The following TMEM253 variants were observed in gnomAD, a reference collection of about 807,000 sequenced individuals.
TMEM253 encodes the protein transmembrane protein 253.
A neutral mutation model predicts 20.3 loss-of-function variants in TMEM253; 22 were observed. The ratio of observed to expected loss-of-function variants is 1.08; its 90% CI spans 0.78 to 1.55. The LOEUF (loss-of-function observed/expected upper bound fraction) is 1.55. TMEM253 is among the 40% of genes most tolerant of loss of function. The pLI is 0.00. For synonymous variants in TMEM253, 92 were observed against 102.6 expected, an observed-to-expected ratio of 0.90 and a Z score of 0.62; for missense variants, 251 against 266.1, an observed-to-expected ratio of 0.94 and a Z score of 0.39.
upstream of TMEM253, among the ~76,000 whole-genome samples, chr14:21,099,940 C>T (rs532669148): frequency 7.9e-5 from 12 of 152,328 alleles, no homozygotes; most frequent in South Asian, 2.5e-3. Flanking sequence ...GGGCATCAGA[C>T]TTATCGGTGT....
At chr14:21,098,873 C>G (rs1277274797), upstream of TMEM253, 1 of 1,284,040 alleles carries the variant, frequency 7.8e-7, no homozygotes, top group South Asian at 1.2e-5. Flanking sequence ...GGAAGTTCTT[C>G]CTGGGGTTTT....
intron 2 of TMEM253, 175 bp from the exon 3 acceptor site, chr14:21,101,690 A>C: frequency 1.5e-6 from 1 of 656,204 alleles, no homozygotes; most frequent in Non-Finnish European, 2.6e-6. Context: ...CTACAATATG[A>C]GGCAGAAAAA....
chr14:21,100,006 T>C (rs1438157714), upstream of TMEM253, among the ~76,000 whole-genome samples: 1 of 152,152 alleles, frequency 6.6e-6, no homozygotes, highest in Non-Finnish European at 1.5e-5. Context: ...CAACAACTCT[T>C]CACAGTCATA....
intron 4 of TMEM253, 106 bp from the exon 5 acceptor site, chr14:21,102,298 AG>A: frequency 6.9e-7 from 1 of 1,443,192 alleles, no homozygotes; most frequent in South Asian, 1.3e-5. Context: ...CCCTGTTTGG[AG>A]GCTGAGAAGC....
exon 7 of TMEM253, chr14:21,103,293 C>A: frequency 6.5e-7 from 1 of 1,538,674 alleles, no homozygotes; most frequent in Non-Finnish European, 8.8e-7. Flanking sequence ...CATCCCACCC[C>A]ACCAAACTCA....
At chr14:21,098,863 G>A, upstream of TMEM253, 5 of 1,285,828 alleles carry the variant, frequency 3.9e-6, no homozygotes, top group Non-Finnish European at 5.1e-6. Context: ...CACAGACTCG[G>A]GAAGTTCTTC....
chr14:21,101,771 C>A, intron 2 of TMEM253, 94 bp from the exon 3 acceptor site: 1 of 995,928 alleles, frequency 1.0e-6, no homozygotes, highest in Non-Finnish European at 1.5e-6. Flanking sequence ...ACCCTGCATT[C>A]AATCCCATTT....
At chr14:21,103,450 C>T in exon 7 of TMEM253, 1 of 914,842 alleles carries the variant, frequency 1.1e-6, no homozygotes, top group East Asian at 2.8e-5. Flanking sequence ...CCCTGAAAAG[C>T]TGCTTTCTCC....
At position 21,102,578 on chromosome 14, in the gene TMEM253, G is replaced by A. The variant is rs1409503713; in HGVS notation, c.388-55G>A. On this transcript the variant is annotated intron_variant, in intron 5 of 6. Transcript: ENST00000556585. The stretch of plus-strand genomic sequence containing the variant: ...GGCAAGAGGAGGTGGGAAGGGAAAA[G>A]GGCAGGGGCAAACAGGTGCGGGGTC... 4 of 1,551,328 alleles carry A rather than the reference G, an allele frequency of 2.6e-6. No homozygotes were observed. In the Admixed American group the frequency reaches 7.8e-5, roughly 30 times the overall value.
upstream of TMEM253, chr14:21,098,938 G>A: frequency 2.0e-6 from 2 of 1,018,992 alleles, no homozygotes; most frequent in Non-Finnish European, 2.6e-6. Flanking sequence ...AGGAGGAGGG[G>A]CGATTATAGA....
chr14:21,102,699 G>C, exon 6 of TMEM253: 1 of 1,551,622 alleles, frequency 6.4e-7, no homozygotes, highest in Non-Finnish European at 8.7e-7. Flanking sequence ...GCTGGTCTCA[G>C]TGCACGCCCT....
At chr14:21,101,493 T>G in intron 2 of TMEM253, 42 bp downstream of exon 2, 1 of 1,500,578 alleles carries the variant, frequency 6.7e-7, no homozygotes, top group Non-Finnish European at 9.1e-7. Flanking sequence ...GCATGTCCAC[T>G]TCTACCCAAT....
chr14:21,103,073 T>C, intron 6 of TMEM253, 66 bp from the exon 7 acceptor site: 3 of 1,550,344 alleles, frequency 1.9e-6, no homozygotes, highest in Non-Finnish European at 2.6e-6. Context: ...AGGAAGCAGT[T>C]GTTTCTGTCT....
At chr14:21,100,296 G>C (rs1208223617), upstream of TMEM253, among the ~76,000 whole-genome samples, 1 of 152,094 alleles carries the variant, frequency 6.6e-6, no homozygotes. Flanking sequence ...TGCCCAGAAG[G>C]TGTTGGCTAC....
chr14:21,102,063 G>A lies in TMEM253; in HGVS notation c.220-1G>A, dbSNP rs1889673101. On this transcript the variant is annotated splice_acceptor_variant, in intron 3 of 6. Coordinates refer to ENST00000556585, the Ensembl canonical transcript of TMEM253. LOFTEE classifies it high-confidence loss of function. ...CAACACTTGCCCTTCTCACCATTCA[G>A]GGTCTCCTCACTGGGACTGTCACTC... 3 of 1,551,240 alleles carry A rather than the reference G, an allele frequency of 1.9e-6. No homozygotes were observed. In the African/African-American group the frequency reaches 4.1e-5, roughly 21 times the overall value.
At chr14:21,100,532 G>GAGATAGATAGATAGAT (rs3062000), upstream of TMEM253, among the ~76,000 whole-genome samples, 3 of 150,226 alleles carry the variant, frequency 2.0e-5, no homozygotes, top group Admixed American at 6.6e-5. Flanking sequence ...TGAGGACCAT[G>GAGATAGATAGATAGAT]AGATAGATAG....
upstream of TMEM253, among the ~76,000 whole-genome samples, chr14:21,099,773 T>C (rs530247469): frequency 2.0e-5 from 3 of 152,222 alleles, no homozygotes; most frequent in Non-Finnish European, 2.9e-5. Context: ...CTTCCTTTTA[T>C]AGATAAGGGA....
In TMEM253 at chr14:21,101,762, C is replaced by T; in HGVS notation, c.109-103C>T. ...GCTCTGGGTTGACTGCTTTCCTCCA[C>T]CCTGCATTCAATCCCATTTCCTGAT... On this transcript the variant is annotated intron_variant, in intron 2 of 6. Transcript: ENST00000556585. 3 of 904,100 alleles carry T rather than the reference C, an allele frequency of 3.3e-6. No individual in the cohort carries two copies. In the South Asian group the frequency reaches 5.0e-5, roughly 15 times the overall value. 56.0% of individuals were successfully genotyped at this position (904,100 alleles called of 1,614,324 possible).
At chr14:21,101,801 G>A in intron 2 of TMEM253, 64 bp from the exon 3 acceptor site, 1 of 1,298,408 alleles carries the variant, frequency 7.7e-7, no homozygotes, top group Non-Finnish European at 1.1e-6. Context: ...TAAAGAGGTA[G>A]GAGTTACGAG....
Sources: allele counts gnomAD v4.1 joint callset (sites outside exome capture counted in the v4.1 genomes callset), GRCh38; gene constraint gnomAD v4.1.1; transcripts MANE v1.5; gene names NCBI Gene and HGNC (gene_info 2026-07-23, HGNC 2026-07-21).